The following PRKAR1B variants were observed in gnomAD, a reference collection of about 807,000 sequenced individuals.
PRKAR1B encodes the protein cAMP-dependent protein kinase type I-beta regulatory subunit.
A neutral mutation model predicts 46.5 loss-of-function variants in PRKAR1B; 22 were observed. That is an observed-to-expected ratio of 0.47 (90% confidence interval 0.34 to 0.68). The LOEUF is 0.68. Among genes scored for constraint, PRKAR1B ranks in the 30% least tolerant of loss-of-function variants. The pLI is 0.01. For missense variants in PRKAR1B, 445 were observed against 535.6 expected (o/e 0.83, Z 1.67); for synonymous variants, 259 against 217.7 (o/e 1.19, Z -1.67).
At chr7:663,380 C>T (rs1481219489) in intron 4 of PRKAR1B, among the ~76,000 whole-genome samples, 1 of 152,112 alleles carries the variant, frequency 6.6e-6, no homozygotes, top group Non-Finnish European at 1.5e-5. Context: ...AGGTGCATGC[C>T]ACCATGCCCA....
intron 4 of PRKAR1B, among the ~76,000 whole-genome samples, chr7:643,591 G>A (rs148728043): frequency 0.035 from 5,292 of 151,276 alleles, 237 homozygotes; most frequent in African/African-American, 0.059. Context: ...GCATGGTGGC[G>A]CAGGCCTGTA....
intron 4 of PRKAR1B, among the ~76,000 whole-genome samples, chr7:640,455 G>A (rs1198232695): frequency 1.3e-5 from 2 of 152,096 alleles, no homozygotes; most frequent in East Asian, 3.9e-4. Context: ...TAGTCATTCA[G>A]GAAATGTGAA....
At chr7:584,383 C>T in intron 8 of PRKAR1B, 125 bp downstream of exon 8, 2 of 781,588 alleles carry the variant, frequency 2.6e-6, no homozygotes, top group Non-Finnish European at 4.3e-6. Context: ...TGTGTTGCAC[C>T]CCAAACCTCC....
intron 4 of PRKAR1B, among the ~76,000 whole-genome samples, chr7:626,127 C>A (rs952596560): frequency 9.2e-5 from 14 of 151,980 alleles, no homozygotes; most frequent in African/African-American, 3.4e-4. Context: ...CAAGAAGCAA[C>A]AGATAATCTG....
Position 667,317 on chromosome 7 carries a change from T to C in PRKAR1B, c.440+9912A>G, listed in dbSNP as rs1785989985. Among the ~76,000 whole-genome samples the C allele has an allele frequency of 6.6e-6, 1 of 152,220 alleles. No individual in the cohort carries two copies. Among genetic ancestry groups the C allele is most frequent in the South Asian group, 2.1e-4 (1 of 4,830 alleles). On this transcript the variant is annotated intron_variant, in intron 4 of 10. Coordinates refer to ENST00000537384, the MANE Select transcript of PRKAR1B (RefSeq NM_001164760.2). The surrounding 1 kb of genome is among the most constrained non-coding windows in gnomAD (Gnocchi z 4.3). ...AACAACCTCAAAGTAGGTTTTATTA[T>C]CTTCATTTGACACCTGAGGAAACTG...
chr7:634,276 C>A (rs1184516420), intron 4 of PRKAR1B, among the ~76,000 whole-genome samples: 1 of 152,130 alleles, frequency 6.6e-6, no homozygotes, highest in Non-Finnish European at 1.5e-5. Context: ...CCCGCCTCAG[C>A]CTCCCAAAGT....
intron 2 of PRKAR1B, among the ~76,000 whole-genome samples, chr7:686,676 C>A (rs886962702): frequency 5.9e-5 from 9 of 151,864 alleles, no homozygotes; most frequent in African/African-American, 2.2e-4. Context: ...ACTAGAAAAC[C>A]TTGATGAAAG....
At chr7:629,171 G>A (rs918270622) in intron 4 of PRKAR1B, among the ~76,000 whole-genome samples, 6 of 152,358 alleles carry the variant, frequency 3.9e-5, no homozygotes, top group East Asian at 3.9e-4. Context: ...GAAAGGCACC[G>A]GGCTCATGGC....
chr7:682,145 C>T (rs536904681), intron 2 of PRKAR1B, among the ~76,000 whole-genome samples: 5 of 152,184 alleles, frequency 3.3e-5, no homozygotes, highest in East Asian at 1.9e-4. Flanking sequence ...GCTCAGTCCT[C>T]GTCCTAAGGC....
chr7:561,745 G>C (rs563758272), intron 9 of PRKAR1B, among the ~76,000 whole-genome samples: 1 of 152,260 alleles, frequency 6.6e-6, no homozygotes, highest in Non-Finnish European at 1.5e-5. Flanking sequence ...AGCGTTTAAT[G>C]GATCATCCAT....
chr7:680,560 C>T lies in PRKAR1B; in HGVS notation c.344G>A (p.Arg115Lys), dbSNP rs771483360. Residue 115 changes from arginine (R) to lysine (K), a missense_variant, in exon 3 of 11, where the codon AGG becomes AAG. Transcript: ENST00000537384. ...YTEEDAVSYV[R>K]KVIPKDYKTM... ...CCCGTGACCCGTGAGCCTCACCTTC[C>T]TGACGTAGGACACGGCGTCCTCCTC... 4.8e-5 allele frequency: 77 copies of T among 1,608,594 alleles called. No homozygotes were observed. The Middle Eastern group carries it at 5.2e-4, about 11-fold the overall frequency.
chr7:671,903 C>T (rs759507624), intron 4 of PRKAR1B, among the ~76,000 whole-genome samples: 10 of 152,204 alleles, frequency 6.6e-5, no homozygotes, highest in Non-Finnish European at 1.3e-4. Flanking sequence ...CTGGCTCTCA[C>T]CTTTCTGCCC....
chr7:657,058 T>C (rs117456073), intron 4 of PRKAR1B, among the ~76,000 whole-genome samples: 1,860 of 151,696 alleles, frequency 0.012, 10 homozygotes, highest in Non-Finnish European at 0.019. Context: ...AATGGATGCA[T>C]GAGTGAATGC....
rs1197653167 is a variant in PRKAR1B, at chr7:636,315, GCCGCGCCCAC to G, written c.441-28873_441-28864del. The stretch of plus-strand genomic sequence containing the variant: ...GGCCGCGCCCTCACGTCCTCCACCG[GCCGCGCCCAC>G]ACGTCCTCCACCGGCCGCGCCCACA... On this transcript the variant is annotated intron_variant, in intron 4 of 10. Transcript: ENST00000537384. Among the ~76,000 whole-genome samples the G allele has an allele frequency of 5.5e-3, 45 of 8,204 alleles. 1 individual carries two copies. Among genetic ancestry groups the G allele is most frequent in the Admixed American group, 0.01 (9 of 900 alleles). 5.4% of individuals were successfully genotyped at this position (8,204 alleles called of 152,430 possible). A position where few individuals can be genotyped will look rare whatever the true frequency, so the allele number is the denominator to read the frequency against.
intron 4 of PRKAR1B, among the ~76,000 whole-genome samples, chr7:675,534 AAGAG>A (rs1786533153): frequency 6.6e-6 from 1 of 152,250 alleles, no homozygotes; most frequent in Admixed American, 6.5e-5. Flanking sequence ...ATTGTTTTAA[AAGAG>A]AGAATTTTCA....
At chr7:643,057 G>A (rs919191444) in intron 4 of PRKAR1B, among the ~76,000 whole-genome samples, 4 of 151,550 alleles carry the variant, frequency 2.6e-5, no homozygotes, top group Non-Finnish European at 4.4e-5. Context: ...GCACATAGCC[G>A]GTATTCCATC....
At chr7:571,045 G>T (rs1357266560) in intron 9 of PRKAR1B, among the ~76,000 whole-genome samples, 1 of 152,238 alleles carries the variant, frequency 6.6e-6, no homozygotes, top group South Asian at 2.1e-4. Context: ...CTGATGCCTG[G>T]GAAACATGTA....
At chr7:691,684 C>G in intron 2 of PRKAR1B, 1 of 1,284,884 alleles carries the variant, frequency 7.8e-7, no homozygotes, top group Non-Finnish European at 1.0e-6. Flanking sequence ...AGTGCTGTGA[C>G]CTCACACGGT....
At chr7:579,052 T>C (rs1233702295) in intron 9 of PRKAR1B, 2 of 985,330 alleles carry the variant, frequency 2.0e-6, no homozygotes, top group Admixed American at 6.1e-5. Context: ...GGGAGGCTTT[T>C]GATGCTAGAG....
Sources: allele counts gnomAD v4.1 joint callset (sites outside exome capture counted in the v4.1 genomes callset), GRCh38; gene constraint gnomAD v4.1.1; non-coding constraint Gnocchi (gnomAD v3.1); transcripts MANE v1.5; gene names NCBI Gene and HGNC (gene_info 2026-07-23, HGNC 2026-07-21).